DLGAP1: variants seen among roughly 807,000 people sequenced by gnomAD.
DLGAP1 encodes the protein disks large-associated protein 1.
In DLGAP1, 11 loss-of-function variants were observed where a neutral mutation model predicts 90.8. The observed-to-expected ratio is 0.12, with a 90% confidence interval of 0.08 to 0.20. DLGAP1 has a LOEUF of 0.20. Among genes scored for constraint, DLGAP1 ranks in the 10% least tolerant of loss-of-function variants. The pLI is 1.00. For missense variants in DLGAP1, 1,050 were observed against 1,333.8 expected, an observed-to-expected ratio of 0.79 and a Z score of 3.31; for synonymous variants, 558 against 540.7, an observed-to-expected ratio of 1.03 and a Z score of -0.44.
At chr18:4,300,189 A>G (rs2080089134) in intron 1 of DLGAP1, among the ~76,000 whole-genome samples, 1 of 152,198 alleles carries the variant, frequency 6.6e-6, no homozygotes, top group South Asian at 2.1e-4. Context: ...CATGACAATA[A>G]CAATATTTAA....
In DLGAP1 at chr18:3,602,527, G is replaced by A. The variant is rs1183903377; in HGVS notation, c.1592-20279C>T. Among the ~76,000 whole-genome samples, 15 of 149,784 alleles carry A rather than the reference G, an allele frequency of 1.0e-4. No individual in the cohort carries two copies. In the East Asian group the frequency reaches 2.6e-3, roughly 26 times the overall value. ...GGAGAATGGCGTGAACCCGGGAGGC[G>A]GAGCTTGCAGGGAGCCGAGATCGCG... On this transcript the variant is annotated intron_variant, in intron 7 of 12. Transcript: ENST00000315677.
chr18:4,349,303 C>A (rs1023337287), intron 1 of DLGAP1, among the ~76,000 whole-genome samples: 1 of 152,186 alleles, frequency 6.6e-6, no homozygotes, highest in South Asian at 2.1e-4. Context: ...AAACGACTGG[C>A]CAGCACTCTT....
At chr18:3,637,459 C>G (rs886517199) in intron 7 of DLGAP1, among the ~76,000 whole-genome samples, 1 of 151,290 alleles carries the variant, frequency 6.6e-6, no homozygotes, top group South Asian at 2.1e-4. Context: ...CTAGGCCAGG[C>G]GCAGTGCCTC....
At chr18:3,543,558 A>G (rs1053852449) in intron 9 of DLGAP1, among the ~76,000 whole-genome samples, 1 of 152,360 alleles carries the variant, frequency 6.6e-6, no homozygotes, top group South Asian at 2.1e-4. Context: ...CATATAGGCC[A>G]GATAAAACCT....
At chr18:4,236,354 A>G (rs902985013) in intron 1 of DLGAP1, among the ~76,000 whole-genome samples, 4 of 152,192 alleles carry the variant, frequency 2.6e-5, no homozygotes, top group African/African-American at 9.6e-5. Context: ...CTGGGTCTTC[A>G]TCAAGTCCAT....
intron 3 of DLGAP1, among the ~76,000 whole-genome samples, chr18:3,909,404 G>A (rs1435158771): frequency 6.6e-6 from 1 of 152,128 alleles, no homozygotes; most frequent in Non-Finnish European, 1.5e-5. Flanking sequence ...TAATGCCACT[G>A]GTCATATTGT....
chr18:3,632,765 C>T (rs1599639432), intron 7 of DLGAP1, among the ~76,000 whole-genome samples: 2 of 151,216 alleles, frequency 1.3e-5, no homozygotes, highest in African/African-American at 4.8e-5. Context: ...CTTTTTTTTT[C>T]TGTAGAGGAT....
chr18:4,304,943 A>G (rs2080213351), intron 1 of DLGAP1, among the ~76,000 whole-genome samples: 2 of 151,966 alleles, frequency 1.3e-5, no homozygotes, highest in East Asian at 3.9e-4. Flanking sequence ...AAAAAAAAAA[A>G]AAGTTGTCAT....
At chr18:3,658,994 C>G (rs532652472) in intron 7 of DLGAP1, among the ~76,000 whole-genome samples, 17 of 152,256 alleles carry the variant, frequency 1.1e-4, no homozygotes, top group African/African-American at 4.1e-4. Flanking sequence ...AAAATTAGAT[C>G]TGTAATTATC....
Position 3,832,908 on chromosome 18 carries a change from G to C in DLGAP1, c.958-18635C>G, listed in dbSNP as rs112958718. On this transcript the variant is annotated intron_variant, in intron 4 of 12. Transcript: ENST00000315677. ...AGGAGTGAGAGCACCTTTCTCCTTT[G>C]TACACCCACTTGTCTGTCAACTTTC... is the stretch of plus-strand genomic sequence containing the variant. 6.4e-3 allele frequency among the ~76,000 whole-genome samples: 976 copies of C among 152,196 alleles called. 11 individuals carry two copies. The highest frequency in any genetic ancestry group is 0.023 in the African/African-American group (951 of 41,516).
intron 1 of DLGAP1, among the ~76,000 whole-genome samples, chr18:4,434,179 A>AT (rs35699657): frequency 0.052 from 7,844 of 151,700 alleles, 272 homozygotes; most frequent in South Asian, 0.1. Context: ...ATACAACAGC[A>AT]TTTTTTTTTA....
At chr18:3,611,532 T>C (rs913653177) in intron 7 of DLGAP1, among the ~76,000 whole-genome samples, 1 of 152,078 alleles carries the variant, frequency 6.6e-6, no homozygotes, top group East Asian at 1.9e-4. Flanking sequence ...CCCCACGAAG[T>C]CTTTCCAAAG....
intron 4 of DLGAP1, 84 bp from the exon 5 acceptor site, chr18:3,814,357 T>G: frequency 1.5e-6 from 2 of 1,291,848 alleles, no homozygotes; most frequent in Non-Finnish European, 2.1e-6. Context: ...GATTTAACAT[T>G]TCTATTTTTT....
At position 3,582,257 on chromosome 18, in the gene DLGAP1, C is replaced by G; in HGVS notation, c.1592-9G>C. ...TGTAATGCAAGATGACACTGGAAGA[C>G]AGTGAAAACAAAGACAATGTGATTT... On this transcript the variant is annotated splice_polypyrimidine_tract_variant and intron_variant, in intron 7 of 12. Transcript: ENST00000315677. 1 of 1,602,478 alleles carries G rather than the reference C, an allele frequency of 6.2e-7. No individual in the cohort carries two copies. The highest frequency in any genetic ancestry group is 8.5e-7 in the Non-Finnish European group (1 of 1,173,276).
At chr18:4,293,508 T>G (rs2079900658) in intron 1 of DLGAP1, 1 of 152,218 alleles carries the variant, frequency 6.6e-6, no homozygotes, top group African/African-American at 2.4e-5. Context: ...CTCTCAGAGA[T>G]TTCTGTATGC....
intron 1 of DLGAP1, among the ~76,000 whole-genome samples, chr18:4,359,457 G>A (rs2081588387): frequency 6.6e-6 from 1 of 152,128 alleles, no homozygotes; most frequent in Admixed American, 6.5e-5. Flanking sequence ...CCTTTTTCCA[G>A]TCATACTTCT....
intron 1 of DLGAP1, among the ~76,000 whole-genome samples, chr18:4,231,141 CAT>C (rs2078291393): frequency 6.6e-6 from 1 of 151,894 alleles, no homozygotes; most frequent in Non-Finnish European, 1.5e-5. Flanking sequence ...AAATAAATGT[CAT>C]ATTCAGGAAT....
intron 3 of DLGAP1, among the ~76,000 whole-genome samples, chr18:3,931,717 T>G (rs1242258158): frequency 6.6e-6 from 1 of 152,202 alleles, no homozygotes; most frequent in Non-Finnish European, 1.5e-5. Flanking sequence ...CTTGTAAACC[T>G]GAATGGCCCT....
intron 1 of DLGAP1, among the ~76,000 whole-genome samples, chr18:4,202,442 T>C (rs2077625485): frequency 6.6e-6 from 1 of 152,150 alleles, no homozygotes; most frequent in African/African-American, 2.4e-5. Flanking sequence ...CACTATTCAA[T>C]TCATTCAAGT....
Sources: allele counts gnomAD v4.1 joint callset (sites outside exome capture counted in the v4.1 genomes callset), GRCh38; gene constraint gnomAD v4.1.1; transcripts MANE v1.5; gene names NCBI Gene and HGNC (gene_info 2026-07-23, HGNC 2026-07-21).